RSU1: variants seen among roughly 807,000 people sequenced by gnomAD.
The protein encoded by RSU1 is rsu-1.
A neutral mutation model predicts 31.1 loss-of-function variants in RSU1; 26 were observed. That is an observed-to-expected ratio of 0.84 (90% confidence interval 0.61 to 1.16). The LOEUF (loss-of-function observed/expected upper bound fraction) is 1.16. Ranked by LOEUF, RSU1 falls within the 50% of genes most tolerant of loss-of-function variation. The pLI is 0.00. For synonymous variants in RSU1, 164 were observed against 136.3 expected (o/e 1.20, Z -1.41); for missense variants, 320 against 339.1 (o/e 0.94, Z 0.44).
intron 3 of RSU1, among the ~76,000 whole-genome samples, chr10:16,774,091 T>C (rs1383479531): frequency 1.4e-5 from 2 of 143,386 alleles, no homozygotes; most frequent in East Asian, 4.0e-4. Flanking sequence ...ATGGGAAAGG[T>C]ATTCCGTTAA....
intron 4 of RSU1, among the ~76,000 whole-genome samples, chr10:16,758,969 A>G (rs1837151491): frequency 6.6e-6 from 1 of 152,162 alleles, no homozygotes; most frequent in Admixed American, 6.5e-5. Flanking sequence ...AAGTGGGCAA[A>G]TGCCTGCATA....
Position 16,716,315 on chromosome 10 carries a change from T to C in RSU1, c.599-21160A>G, listed in dbSNP as rs180819891. 7.6e-4 allele frequency among the ~76,000 whole-genome samples: 116 copies of C among 152,256 alleles called. 2 individuals carry two copies. The highest frequency in any genetic ancestry group is 2.6e-3 in the African/African-American group (109 of 41,544). Reference sequence around the variant, plus strand: ...TGTTCTGTGGGAGGCTTGGAGCTCTTGGAGTTGAGGTGTTATATTTTAATC... The same window carrying C: ...TGTTCTGTGGGAGGCTTGGAGCTCTCGGAGTTGAGGTGTTATATTTTAATC... On this transcript the variant is annotated intron_variant, in intron 7 of 8. Coordinates refer to ENST00000345264, the MANE Select transcript of RSU1 (RefSeq NM_012425.4).
rs113657359 is a variant in RSU1 at position 16,600,554 on chromosome 10, G to GT, written c.732-7059dup. 7.3e-3 allele frequency among the ~76,000 whole-genome samples: 990 copies of GT among 135,862 alleles called. 3 individuals are homozygous for GT. The highest frequency in any genetic ancestry group is 9.3e-3 in the Non-Finnish European group (601 of 64,642). The allele number at this position is 135,862 out of a possible 152,430, so 89.1% of individuals were successfully genotyped here. A position where few individuals can be genotyped will look rare whatever the true frequency, so the allele number is the denominator to read the frequency against. ...GCATGATTTTCTATTACTGACACGT[G>GT]TTTTTTTTTTTTTAGGGGGGGGTGG... On this transcript the variant is annotated intron_variant, in intron 8 of 8. Transcript: ENST00000345264.
At chr10:16,665,006 C>T (rs1272189277) in intron 8 of RSU1, among the ~76,000 whole-genome samples, 6 of 152,058 alleles carry the variant, frequency 3.9e-5, no homozygotes, top group East Asian at 3.9e-4. Context: ...TGCAGTGGCA[C>T]GATCTCAGTT....
intron 2 of RSU1, among the ~76,000 whole-genome samples, chr10:16,812,358 C>T (rs796123119): frequency 2.0e-5 from 3 of 152,320 alleles, no homozygotes; most frequent in African/African-American, 7.2e-5. Context: ...AGGAGAATCG[C>T]TTGAACCCAA....
intron 4 of RSU1, 90 bp downstream of exon 4, chr10:16,764,300 A>G: frequency 7.4e-7 from 1 of 1,351,872 alleles, no homozygotes; most frequent in Middle Eastern, 1.9e-4. Flanking sequence ...TTTCTGTGCA[A>G]TAATATAAAA....
intron 8 of RSU1, among the ~76,000 whole-genome samples, chr10:16,662,598 G>A (rs1482884165): frequency 6.6e-6 from 1 of 152,158 alleles, no homozygotes; most frequent in African/African-American, 2.4e-5. Context: ...CACAGCATTA[G>A]AAGTATATTT....
chr10:16,720,816 C>G (rs745825320), intron 7 of RSU1, among the ~76,000 whole-genome samples: 3 of 152,076 alleles, frequency 2.0e-5, no homozygotes, highest in Non-Finnish European at 4.4e-5. Flanking sequence ...CGAAACCCCA[C>G]GTCTACAAAA....
chr10:16,699,810 G>GT, intron 7 of RSU1, among the ~76,000 whole-genome samples: 2 of 152,356 alleles, frequency 1.3e-5, no homozygotes, highest in South Asian at 4.1e-4. Context: ...GTGATTAGCA[G>GT]TGACCCTCTG....
chr10:16,628,613 A>T (rs1379656611), intron 8 of RSU1, among the ~76,000 whole-genome samples: 1 of 152,182 alleles, frequency 6.6e-6, no homozygotes. Flanking sequence ...CATGCTGTAT[A>T]TTTTTTCTCA....
intron 2 of RSU1, 140 bp downstream of exon 2, chr10:16,816,833 G>A (rs1474110360): frequency 1.6e-6 from 1 of 629,616 alleles, no homozygotes; most frequent in Non-Finnish European, 2.9e-6. Flanking sequence ...CCCTCTGCGC[G>A]AAGCCCCTGA....
intron 7 of RSU1, among the ~76,000 whole-genome samples, chr10:16,735,323 C>G (rs138308353): frequency 2.8e-4 from 42 of 152,314 alleles, no homozygotes; most frequent in South Asian, 1.9e-3. Flanking sequence ...ACCGCTATGT[C>G]TGCTATGGAA....
At chr10:16,652,133 A>C (rs1328891443) in intron 8 of RSU1, among the ~76,000 whole-genome samples, 1 of 152,170 alleles carries the variant, frequency 6.6e-6, no homozygotes, top group Non-Finnish European at 1.5e-5. Flanking sequence ...GCACCTTTAA[A>C]TGACCTCTTT....
chr10:16,668,851 C>A (rs1320120018), intron 8 of RSU1, among the ~76,000 whole-genome samples: 1 of 152,186 alleles, frequency 6.6e-6, no homozygotes, highest in Admixed American at 6.5e-5. Flanking sequence ...AGAGTATCAG[C>A]CACTGACATG....
chr10:16,701,411 T>C (rs1388063585), intron 7 of RSU1, among the ~76,000 whole-genome samples: 1 of 152,218 alleles, frequency 6.6e-6, no homozygotes, highest in East Asian at 1.9e-4. Flanking sequence ...TAAGCTGGGA[T>C]GTCTCATGAC....
intron 8 of RSU1, among the ~76,000 whole-genome samples, chr10:16,599,793 G>A (rs899566005): frequency 7.2e-5 from 11 of 152,186 alleles, no homozygotes; most frequent in Admixed American, 2.0e-4. Context: ...CCATGCCCTC[G>A]TGCTGCCCGG....
At chr10:16,769,062 A>T (rs960267428) in intron 3 of RSU1, among the ~76,000 whole-genome samples, 3 of 152,208 alleles carry the variant, frequency 2.0e-5, no homozygotes, top group African/African-American at 7.2e-5. Flanking sequence ...ATCAACAATC[A>T]ATCAGCTCAA....
intron 8 of RSU1, among the ~76,000 whole-genome samples, chr10:16,682,354 A>G (rs1835341963): frequency 6.6e-6 from 1 of 152,196 alleles, no homozygotes; most frequent in South Asian, 2.1e-4. Context: ...GATAATGTTG[A>G]CTAAACAGAC....
At chr10:16,627,038 G>T (rs778732061) in intron 8 of RSU1, among the ~76,000 whole-genome samples, 1 of 152,216 alleles carries the variant, frequency 6.6e-6, no homozygotes, top group Non-Finnish European at 1.5e-5. Flanking sequence ...CTGTGCAAAT[G>T]AGGTGAGACT....
Sources: allele counts gnomAD v4.1 joint callset (sites outside exome capture counted in the v4.1 genomes callset), GRCh38; gene constraint gnomAD v4.1.1; transcripts MANE v1.5; gene names NCBI Gene and HGNC (gene_info 2026-07-23, HGNC 2026-07-21).